Variants in PDE3A observed in about 807,000 individuals in gnomAD.
The protein encoded by PDE3A is phosphodiesterase 3A, also known as cGMP-inhibited 3',5'-cyclic phosphodiesterase 3A.
A neutral mutation model predicts 98.3 loss-of-function variants in PDE3A; 43 were observed. The ratio of observed to expected loss-of-function variants is 0.44; its 90% CI spans 0.34 to 0.56. The LOEUF is 0.56. Among genes scored for constraint, PDE3A ranks in the 20% least tolerant of loss-of-function variants. The pLI, the probability that PDE3A is intolerant of heterozygous loss-of-function variation, is 0.01. For missense variants in PDE3A, 1,427 were observed against 1,440.7 expected, an observed-to-expected ratio of 0.99 and a Z score of 0.15; for synonymous variants, 663 against 567.9, an observed-to-expected ratio of 1.17 and a Z score of -2.38.
At chr12:20,614,988 TTTTCTTTTTTTC>T (rs895154326) in intron 3 of PDE3A, among the ~76,000 whole-genome samples, 4 of 38,052 alleles carry the variant, frequency 1.1e-4, no homozygotes, top group Admixed American at 6.4e-4. Context: ...TAACTTTTTC[TTTTCTTTTTTTC>T]TTTCTTTCTC....
At chr12:20,549,424 C>G (rs1942140384) in intron 1 of PDE3A, among the ~76,000 whole-genome samples, 1 of 150,350 alleles carries the variant, frequency 6.7e-6, no homozygotes, top group Non-Finnish European at 1.5e-5. Flanking sequence ...AGAAAATACA[C>G]TGAAATAATA....
At chr12:20,625,988 A>G (rs1944252766) in intron 5 of PDE3A, among the ~76,000 whole-genome samples, 1 of 152,152 alleles carries the variant, frequency 6.6e-6, no homozygotes, top group Non-Finnish European at 1.5e-5. Context: ...AATATACTTG[A>G]GAGAATGCAT....
intron 1 of PDE3A, among the ~76,000 whole-genome samples, chr12:20,547,232 A>AT (rs1942083535): frequency 6.6e-6 from 1 of 151,942 alleles, no homozygotes; most frequent in Non-Finnish European, 1.5e-5. Flanking sequence ...CCTACCATCC[A>AT]TTACCCCCAC....
At chr12:20,371,591 A>G (rs1943476841) in intron 1 of PDE3A, 1 of 226,240 alleles carries the variant, frequency 4.4e-6, no homozygotes, top group Non-Finnish European at 7.4e-6. Context: ...TTGATTACAC[A>G]GATCTATGGC....
intron 2 of PDE3A, among the ~76,000 whole-genome samples, chr12:20,567,573 A>G (rs999493258): frequency 6.6e-6 from 1 of 151,992 alleles, no homozygotes; most frequent in Non-Finnish European, 1.5e-5. Context: ...ACTTTTTCAT[A>G]CAGGAACATG....
At chr12:20,572,243 T>C (rs1326976277) in intron 2 of PDE3A, 1 of 556,726 alleles carries the variant, frequency 1.8e-6, no homozygotes, top group East Asian at 8.5e-5. Flanking sequence ...TTGAAAGCCT[T>C]TTAAAAATAA....
rs908599100 is a variant in PDE3A, at chr12:20,552,175, A to G, written c.961-4485A>G. 2.0e-5 allele frequency: 33 copies of G among 1,613,712 alleles called. No homozygotes were observed. The highest frequency in any genetic ancestry group is 3.4e-4 in the Middle Eastern group (2 of 5,910). On this transcript the variant is annotated intron_variant, in intron 1 of 15. Coordinates refer to ENST00000359062, the MANE Select transcript of PDE3A (RefSeq NM_000921.5). The surrounding 1 kb of genome is among the most constrained non-coding windows in gnomAD (Gnocchi z 5.1). ...GCTGGCTCTCAACTGCTTTGCTCCC[A>G]TCAATGACCAAGAAGGGGCCGAGGC...
chr12:20,533,732 C>CCCCCG (rs769621979), intron 1 of PDE3A, among the ~76,000 whole-genome samples: 72 of 150,514 alleles, frequency 4.8e-4, no homozygotes, highest in South Asian at 1.1e-3. Flanking sequence ...CGCCCCGCCC[C>CCCCCG]CCTTTGGACT....
At chr12:20,484,040 T>C (rs1038544875) in intron 1 of PDE3A, among the ~76,000 whole-genome samples, 3 of 152,198 alleles carry the variant, frequency 2.0e-5, no homozygotes, top group African/African-American at 7.2e-5. Context: ...TTTTTGTTTT[T>C]GTTTTTTCTT....
chr12:20,477,375 C>A (rs1335529812), intron 1 of PDE3A, among the ~76,000 whole-genome samples: 1 of 152,098 alleles, frequency 6.6e-6, no homozygotes, highest in African/African-American at 2.4e-5. Flanking sequence ...AATTTATGCC[C>A]CTAATTATCC....
Position 20,680,012 on chromosome 12 carries a change from T to C in PDE3A, c.3185-18T>C. ...ACTAAGTAGTCTGATTTGGTGTTTT[T>C]TATTTTATTTATTTTAGAAAAGAAG... On this transcript the variant is annotated intron_variant, in intron 15 of 15. Coordinates refer to ENST00000359062, the MANE Select transcript of PDE3A (RefSeq NM_000921.5). 12 of 1,565,210 alleles carry C rather than the reference T, an allele frequency of 7.7e-6. No individual in the cohort carries two copies. Among genetic ancestry groups the C allele is most frequent in the Non-Finnish European group, 9.6e-6 (11 of 1,147,806 alleles).
chr12:20,600,327 C>T (rs1486586817), intron 2 of PDE3A, among the ~76,000 whole-genome samples: 8 of 152,160 alleles, frequency 5.3e-5, no homozygotes, highest in African/African-American at 1.7e-4. Context: ...CTCTTAGCTA[C>T]GTATCTTCCC....
At chr12:20,614,781 T>G (rs1592113448) in intron 3 of PDE3A, among the ~76,000 whole-genome samples, 1 of 152,186 alleles carries the variant, frequency 6.6e-6, no homozygotes, top group East Asian at 1.9e-4. Flanking sequence ...CTATTTAATA[T>G]CAGAGCTATT....
At chr12:20,434,055 G>C (rs1944740743) in intron 1 of PDE3A, among the ~76,000 whole-genome samples, 1 of 152,120 alleles carries the variant, frequency 6.6e-6, no homozygotes, top group African/African-American at 2.4e-5. Context: ...GATGCAGGTG[G>C]TGTTAGGCTC....
At chr12:20,665,567 T>C (rs763845645) in intron 15 of PDE3A, among the ~76,000 whole-genome samples, 2 of 152,196 alleles carry the variant, frequency 1.3e-5, no homozygotes, top group Non-Finnish European at 2.9e-5. Context: ...CTATTTGGAA[T>C]ATATGAAAAT....
chr12:20,402,258 C>T (rs1158042663), intron 1 of PDE3A, among the ~76,000 whole-genome samples: 3 of 152,144 alleles, frequency 2.0e-5, no homozygotes, highest in Admixed American at 2.0e-4. Flanking sequence ...AAGCAATTCT[C>T]CTGGCTCAGC....
Position 20,394,701 on chromosome 12 carries a change from G to T in PDE3A, c.960+24457G>T, listed in dbSNP as rs373434587. ...CTGCAAATAAAACATGCAAGAACTT[G>T]AATCTTTTATTCTGCTTCTACTTGC... is the stretch of plus-strand genomic sequence containing the variant. On this transcript the variant is annotated intron_variant, in intron 1 of 15. Transcript: ENST00000359062. 3.3e-5 allele frequency among the ~76,000 whole-genome samples: 5 copies of T among 152,012 alleles called. No individual in the cohort carries two copies. The East Asian group carries it at 5.8e-4, about 18-fold the overall frequency.
intron 1 of PDE3A, among the ~76,000 whole-genome samples, chr12:20,401,836 C>T (rs1315909639): frequency 1.4e-4 from 21 of 152,174 alleles, no homozygotes; most frequent in Admixed American, 1.4e-3. Context: ...CTGCGCCCCA[C>T]ATTATTTATT....
At chr12:20,448,752 G>GT (rs34848615) in intron 1 of PDE3A, among the ~76,000 whole-genome samples, 25,439 of 138,430 alleles carry the variant, frequency 0.18, 2,553 homozygotes, top group East Asian at 0.28. Context: ...TTATTTTAAG[G>GT]TTTTTTTTTT....
Sources: gnomAD v4.1 joint callset for allele counts (sites outside exome capture counted in the v4.1 genomes callset) on GRCh38, gnomAD v4.1.1 for gene constraint, Gnocchi (gnomAD v3.1) non-coding constraint, MANE v1.5 for transcripts, NCBI Gene and HGNC (gene_info 2026-07-23, HGNC 2026-07-21) for gene names.